The following CHST9 variants were observed in gnomAD, a reference collection of about 807,000 sequenced individuals.
CHST9 encodes carbohydrate sulfotransferase 9, also known as GalNAc-4-sulfotransferase 2.
A neutral mutation model predicts 44.4 loss-of-function variants in CHST9; 41 were observed. That is an observed-to-expected ratio of 0.92 (90% CI 0.72 to 1.20). The LOEUF (loss-of-function observed/expected upper bound fraction) is 1.20, where lower values mean the gene tolerates loss of function less well. Ranked by LOEUF, CHST9 falls within the 50% of genes most tolerant of loss-of-function variation. CHST9 has a pLI of 0.00. For synonymous variants in CHST9, 171 were observed against 178.4 expected (o/e 0.96, Z 0.33); for missense variants, 504 against 516.5 (o/e 0.98, Z 0.23).
At chr18:27,045,483 C>A (rs900729137) in intron 3 of CHST9, among the ~76,000 whole-genome samples, 1 of 151,880 alleles carries the variant, frequency 6.6e-6, no homozygotes, top group Non-Finnish European at 1.5e-5. Context: ...TATGAAATAG[C>A]TGATCTTTTT....
In CHST9 at chr18:26,915,674, A is replaced by G. The variant is rs577619319; in HGVS notation, c.*585T>C. On this transcript the variant is annotated 3_prime_UTR_variant, in exon 6 of 6. Coordinates refer to ENST00000618847, the MANE Select transcript of CHST9 (RefSeq NM_031422.6). ...GTTGTGCATTTTTTATTGGCTGTTG[A>G]ATATAAAAAGCCACAGCCTCATCTG... 1 of 152,112 alleles carries G rather than the reference A, an allele frequency of 6.6e-6. No homozygotes were observed. The highest frequency in any genetic ancestry group is 6.6e-5 in the Admixed American group (1 of 15,248). The allele number at this position is 152,112 out of a possible 1,614,324, so 9.4% of individuals were successfully genotyped here.
intron 4 of CHST9, among the ~76,000 whole-genome samples, chr18:26,950,617 A>C (rs1171157090): frequency 6.6e-6 from 1 of 152,230 alleles, no homozygotes; most frequent in Non-Finnish European, 1.5e-5. Context: ...GAAGTAAGTT[A>C]GGAACAGAAA....
Position 27,144,197 on chromosome 18 carries a change from T to C in CHST9, c.-96-1292A>G, listed in dbSNP as rs535125598. ...TAAATGTTTCTTAAATGTGAAGATA[T>C]CATGCACATTGCTGCATCAAAAAGT... On this transcript the variant is annotated intron_variant, in intron 1 of 5. Coordinates refer to ENST00000618847, the MANE Select transcript of CHST9 (RefSeq NM_031422.6). 6.6e-5 allele frequency among the ~76,000 whole-genome samples: 10 copies of C among 152,288 alleles called. No individual in the cohort carries two copies. The South Asian group carries it at 2.1e-3, about 32-fold the overall frequency.
At chr18:27,160,480 A>C (rs954687302) in intron 1 of CHST9, among the ~76,000 whole-genome samples, 11 of 152,274 alleles carry the variant, frequency 7.2e-5, no homozygotes, top group African/African-American at 2.6e-4. Flanking sequence ...ATGGTGGATA[A>C]GCTTCTTGAT....
intron 4 of CHST9, among the ~76,000 whole-genome samples, chr18:27,011,062 GC>G (rs2057077834): frequency 6.6e-6 from 1 of 152,134 alleles, no homozygotes; most frequent in African/African-American, 2.4e-5. Context: ...AGCTTGAGAA[GC>G]CCTGGCATGG....
Position 26,916,161 on chromosome 18 carries a change from G to A in CHST9, c.*98C>T, listed in dbSNP as rs2145042811. 1.0e-6 allele frequency: 1 copy of A among 989,140 alleles called. No individual in the cohort carries two copies. The highest frequency in any genetic ancestry group is 1.7e-5 in the South Asian group (1 of 57,376). 61.3% of individuals were successfully genotyped at this position (989,140 alleles called of 1,614,324 possible). A position where few individuals can be genotyped will look rare whatever the true frequency, so the allele number is the denominator to read the frequency against. Reference sequence around the variant, plus strand: ...ACATTAAATCAAGACAACTGCACTTGGTTAAATTTCTGTCATACAGAGAAT... The same window carrying A: ...ACATTAAATCAAGACAACTGCACTTAGTTAAATTTCTGTCATACAGAGAAT... On this transcript the variant is annotated 3_prime_UTR_variant, in exon 6 of 6. Coordinates refer to ENST00000618847, the MANE Select transcript of CHST9 (RefSeq NM_031422.6).
At chr18:26,998,734 A>AACC (rs2056914749) in intron 4 of CHST9, among the ~76,000 whole-genome samples, 1 of 124,184 alleles carries the variant, frequency 8.1e-6, no homozygotes, top group Non-Finnish European at 1.7e-5. Flanking sequence ...ACAAAACAAC[A>AACC]ACAACAAAAA....
At chr18:27,124,247 C>T (rs1416864543) in intron 2 of CHST9, among the ~76,000 whole-genome samples, 1 of 152,170 alleles carries the variant, frequency 6.6e-6, no homozygotes, top group African/African-American at 2.4e-5. Context: ...CAACATGAGC[C>T]AAGTTAACTT....
At chr18:26,924,427 A>T (rs2055724248) in intron 5 of CHST9, 1 of 155,838 alleles carries the variant, frequency 6.4e-6, no homozygotes, top group Non-Finnish European at 1.4e-5. Flanking sequence ...AGCTGGAGGT[A>T]GATAGCAGGA....
rs577001525 is a variant in CHST9 at position 26,969,370 on chromosome 18, C to CTGTGTGTG, written c.203-25005_203-25004insCACACACA. On this transcript the variant is annotated intron_variant, in intron 4 of 5. Transcript: ENST00000618847. ...GTCTTCCTTTTTTGATTCTCTCTCT[C>CTGTGTGTG]TCTCTCTGTGTGTGTGTGTGTGTGT... 6.5e-3 allele frequency among the ~76,000 whole-genome samples: 792 copies of CTGTGTGTG among 121,976 alleles called. 5 individuals carry two copies. Among genetic ancestry groups the CTGTGTGTG allele is most frequent in the East Asian group, 0.019 (72 of 3,730 alleles). 80.0% of individuals were successfully genotyped at this position (121,976 alleles called of 152,430 possible).
chr18:27,020,858 T>C (rs720281), intron 4 of CHST9, among the ~76,000 whole-genome samples: 98,298 of 152,048 alleles, frequency 0.65, 32,224 homozygotes, highest in African/African-American at 0.74. Context: ...CCAAGGCTCA[T>C]TAAACATTTT....
At chr18:27,157,145 A>G (rs1163818168) in intron 1 of CHST9, among the ~76,000 whole-genome samples, 6 of 152,100 alleles carry the variant, frequency 3.9e-5, no homozygotes, top group Non-Finnish European at 5.9e-5. Context: ...CAGATATGTG[A>G]CATAGCTATT....
At chr18:27,061,279 A>G (rs1244621882) in intron 2 of CHST9, among the ~76,000 whole-genome samples, 1 of 152,200 alleles carries the variant, frequency 6.6e-6, no homozygotes, top group Non-Finnish European at 1.5e-5. Flanking sequence ...TTTTGGGTAT[A>G]AGTTCAAGTT....
chr18:27,107,194 C>T (rs2058229044), intron 2 of CHST9, among the ~76,000 whole-genome samples: 1 of 152,170 alleles, frequency 6.6e-6, no homozygotes, highest in African/African-American at 2.4e-5. Flanking sequence ...TTATTAAATA[C>T]TCACCTATAG....
In CHST9 at chr18:27,048,523, A is replaced by C. The variant is rs17703902; in HGVS notation, c.122-20T>G. The C allele has an allele frequency of 2.5e-6, 4 of 1,595,172 alleles. No homozygotes were observed. The highest frequency in any genetic ancestry group is 2.6e-6 in the Non-Finnish European group (3 of 1,169,524). On this transcript the variant is annotated intron_variant, in intron 2 of 5. Coordinates refer to ENST00000618847, the MANE Select transcript of CHST9 (RefSeq NM_031422.6). ...CTCTCCCTGAAATGAGAAGTGGAAG[A>C]TAAGTTACAGCATGGAGTCATGAGA...
intron 4 of CHST9, among the ~76,000 whole-genome samples, chr18:26,947,041 T>C (rs1038588041): frequency 5.3e-5 from 8 of 152,180 alleles, no homozygotes; most frequent in Non-Finnish European, 1.2e-4. Context: ...GTAGTTTTTT[T>C]CTAATTCTGT....
At chr18:27,032,437 C>T (rs2057351098) in intron 3 of CHST9, among the ~76,000 whole-genome samples, 1 of 152,196 alleles carries the variant, frequency 6.6e-6, no homozygotes, top group Admixed American at 6.5e-5. Flanking sequence ...ATACCCGATA[C>T]ATTTCCACAT....
intron 4 of CHST9, among the ~76,000 whole-genome samples, chr18:26,995,327 AC>A (rs2056873991): frequency 6.6e-6 from 1 of 150,698 alleles, no homozygotes; most frequent in South Asian, 2.1e-4. Context: ...AGTCTCAGTT[AC>A]TCGGGAGGCT....
At chr18:27,122,399 T>G (rs533719375) in intron 2 of CHST9, among the ~76,000 whole-genome samples, 1 of 152,350 alleles carries the variant, frequency 6.6e-6, no homozygotes, top group South Asian at 2.1e-4. Context: ...TATTCAGAGT[T>G]ACATTGAATA....
Sources: allele counts gnomAD v4.1 joint callset (sites outside exome capture counted in the v4.1 genomes callset), GRCh38; gene constraint gnomAD v4.1.1; transcripts MANE v1.5; gene names NCBI Gene and HGNC (gene_info 2026-07-23, HGNC 2026-07-21).